The following SGIP1 variants were observed in gnomAD, a reference collection of about 807,000 sequenced individuals.
SGIP1 encodes SH3GL interacting endocytic adaptor 1, also known as SH3-containing GRB2-like protein 3-interacting protein 1.
Under a neutral mutation model 107.5 loss-of-function variants are expected in SGIP1, and 38 were observed. That is an observed-to-expected ratio of 0.35 (90% confidence interval 0.27 to 0.46). The LOEUF is 0.46. Ranked by LOEUF, SGIP1 falls within the 20% of genes least tolerant of loss-of-function variation. The pLI, the probability that SGIP1 is intolerant of heterozygous loss-of-function variation, is 1.00. For missense variants in SGIP1, 929 were observed against 1,019.5 expected, an observed-to-expected ratio of 0.91 and a Z score of 1.21; for synonymous variants, 365 against 366.1, an observed-to-expected ratio of 1.00 and a Z score of 0.03.
intron 1 of SGIP1, among the ~76,000 whole-genome samples, chr1:66,580,512 C>G (rs1413988345): frequency 6.6e-5 from 10 of 152,152 alleles, no homozygotes; most frequent in Admixed American, 6.6e-4. Context: ...ATTCGTAATA[C>G]TTCTCTCCAT....
At chr1:66,560,315 A>C (rs2058741747) in intron 1 of SGIP1, among the ~76,000 whole-genome samples, 1 of 152,080 alleles carries the variant, frequency 6.6e-6, no homozygotes, top group South Asian at 2.1e-4. Context: ...TAATTGAAAT[A>C]CTGTATGTTT....
In SGIP1 at chr1:66,749,867, A is replaced by ATT. The variant is rs548360145; in HGVS notation, c.*6778_*6779dup. On this transcript the variant is annotated 3_prime_UTR_variant, in exon 25 of 25. Coordinates refer to ENST00000371037, the MANE Select transcript of SGIP1 (RefSeq NM_032291.4). ...CCACTGTCCCAAGATCCAAAGTCAG[A>ATT]TTTTTTTCCCTTTTCAAGTTGCTAG... Among the ~76,000 whole-genome samples, 2 of 152,058 alleles carry ATT rather than the reference A, an allele frequency of 1.3e-5. No homozygotes were observed. The highest frequency in any genetic ancestry group is 4.1e-4 in the South Asian group (2 of 4,826).
At chr1:66,631,083 G>GAAAGAAAT (rs2074526804) in intron 2 of SGIP1, among the ~76,000 whole-genome samples, 1 of 138,472 alleles carries the variant, frequency 7.2e-6, no homozygotes, top group African/African-American at 2.6e-5. Flanking sequence ...AAGAAAGAAA[G>GAAAGAAAT]AAAGAAAGAA....
In SGIP1 at chr1:66,551,653, A is replaced by G. The variant is rs188576311; in HGVS notation, c.10+17285A>G. 6.0e-4 allele frequency among the ~76,000 whole-genome samples: 91 copies of G among 152,322 alleles called. No individual in the cohort carries two copies. The Middle Eastern group carries it at 0.02, about 34-fold the overall frequency. On this transcript the variant is annotated intron_variant, in intron 1 of 24. Coordinates refer to ENST00000371037, the MANE Select transcript of SGIP1 (RefSeq NM_032291.4). Reference sequence around the variant, plus strand: ...GCCAATCCTCTCCAAGTTTATTTATAGACCTGAAATTGAGTATTTATGCTG... The same window carrying G: ...GCCAATCCTCTCCAAGTTTATTTATGGACCTGAAATTGAGTATTTATGCTG...
intron 17 of SGIP1, among the ~76,000 whole-genome samples, chr1:66,692,579 A>C (rs1439596178): frequency 6.6e-6 from 1 of 152,172 alleles, no homozygotes; most frequent in Non-Finnish European, 1.5e-5. Context: ...GTTCAACACC[A>C]AAGGGCCTAA....
chr1:66,534,116 C>T (rs1193010380), upstream of SGIP1: 5 of 589,302 alleles, frequency 8.5e-6, no homozygotes, highest in African/African-American at 9.3e-5. Context: ...GGCGGTGCAG[C>T]TCGGCCAGCT....
At chr1:66,611,050 A>T (rs542171143) in intron 1 of SGIP1, among the ~76,000 whole-genome samples, 1 of 152,294 alleles carries the variant, frequency 6.6e-6, no homozygotes, top group African/African-American at 2.4e-5. Flanking sequence ...TACTCAGGTG[A>T]TGGATGCACC....
At chr1:66,564,784 G>A (rs74878744) in intron 1 of SGIP1, among the ~76,000 whole-genome samples, 21,714 of 151,868 alleles carry the variant, frequency 0.14, 1,954 homozygotes, top group East Asian at 0.32. Flanking sequence ...GGCTTTTAGG[G>A]TAGTTACTTC....
chr1:66,571,190 A>G (rs1403008941), intron 1 of SGIP1, among the ~76,000 whole-genome samples: 1 of 152,030 alleles, frequency 6.6e-6, no homozygotes, highest in Non-Finnish European at 1.5e-5. Flanking sequence ...AAATGAAACC[A>G]AAAAGGAAGC....
At position 66,750,264 on chromosome 1, in the gene SGIP1, G is replaced by A. The variant is rs2094607559; in HGVS notation, c.*7169G>A. Among the ~76,000 whole-genome samples the A allele has an allele frequency of 6.6e-6, 1 of 151,976 alleles. No homozygotes were observed. Among genetic ancestry groups the A allele is most frequent in the Non-Finnish European group, 1.5e-5 (1 of 67,994 alleles). Reference sequence around the variant, plus strand: ...TTTCGATTAAAAAGAGTTTTTGTTTGTTTTTCACTTGTATAGTAAAAGATC... The same window carrying A: ...TTTCGATTAAAAAGAGTTTTTGTTTATTTTTCACTTGTATAGTAAAAGATC... On this transcript the variant is annotated 3_prime_UTR_variant, in exon 25 of 25. Coordinates refer to ENST00000371037, the MANE Select transcript of SGIP1 (RefSeq NM_032291.4).
At position 66,748,825 on chromosome 1, in the gene SGIP1, C is replaced by T. The variant is rs1449595770; in HGVS notation, c.*5730C>T. ...ACAAATGGTCCTATACTATAATTCT[C>T]TCTCCTTGGACATTGACAATAAATG... On this transcript the variant is annotated 3_prime_UTR_variant, in exon 25 of 25. Transcript: ENST00000371037. 6.6e-6 allele frequency among the ~76,000 whole-genome samples: 1 copy of T among 151,900 alleles called. No individual in the cohort carries two copies. The highest frequency in any genetic ancestry group is 1.9e-4 in the East Asian group (1 of 5,200).
intron 1 of SGIP1, among the ~76,000 whole-genome samples, chr1:66,565,786 CTG>C (rs2059558815): frequency 6.6e-6 from 1 of 151,998 alleles, no homozygotes; most frequent in Admixed American, 6.6e-5. Context: ...GTGCTAGACT[CTG>C]TGTTGGCACT....
At chr1:66,659,772 C>T (rs2080520501) in intron 7 of SGIP1, among the ~76,000 whole-genome samples, 1 of 150,916 alleles carries the variant, frequency 6.6e-6, no homozygotes, top group African/African-American at 2.4e-5. Context: ...TAGCCAGAGA[C>T]TGTTGTACAT....
intron 2 of SGIP1, among the ~76,000 whole-genome samples, chr1:66,632,553 C>T (rs762266361): frequency 2.0e-4 from 31 of 152,248 alleles, no homozygotes; most frequent in African/African-American, 3.4e-4. Flanking sequence ...AGCAGAGGTT[C>T]GCTGGAGCCC....
intron 21 of SGIP1, 81 bp from the exon 22 acceptor site, chr1:66,739,254 T>A: frequency 6.8e-7 from 1 of 1,473,354 alleles, no homozygotes; most frequent in Non-Finnish European, 9.2e-7. Context: ...GTGAGCAGCA[T>A]AAACAACATA....
chr1:66,679,763 G>A lies in SGIP1; in HGVS notation c.814+11G>A, dbSNP rs564700541. The A allele has an allele frequency of 1.3e-6, 2 of 1,587,508 alleles. No homozygotes were observed. The highest frequency in any genetic ancestry group is 2.3e-5 in the East Asian group (1 of 42,780). ...TAACAATTGGACCAGGTACGCTTTT[G>A]TTTTTTCAGTTCTGGGATGATGTGT... On this transcript the variant is annotated intron_variant, in intron 14 of 24. Transcript: ENST00000371037.
chr1:66,623,665 A>T (rs536537889), intron 1 of SGIP1, among the ~76,000 whole-genome samples: 2 of 152,208 alleles, frequency 1.3e-5, no homozygotes, highest in Non-Finnish European at 1.5e-5. Flanking sequence ...TGTGTTAAAA[A>T]CATCATTTCC....
chr1:66,678,082 T>C (rs569305236), intron 13 of SGIP1, among the ~76,000 whole-genome samples: 1 of 152,334 alleles, frequency 6.6e-6, no homozygotes, highest in Admixed American at 6.5e-5. Flanking sequence ...AAAACATCAT[T>C]ATCAACAATT....
intron 14 of SGIP1, among the ~76,000 whole-genome samples, chr1:66,680,579 A>G (rs990811251): frequency 1.3e-5 from 2 of 152,238 alleles, no homozygotes; most frequent in African/African-American, 4.8e-5. Context: ...TGAAATTTAT[A>G]TTGACTCAAA....
Sources: gnomAD v4.1 joint callset for allele counts (sites outside exome capture counted in the v4.1 genomes callset) on GRCh38, gnomAD v4.1.1 for gene constraint, MANE v1.5 for transcripts, NCBI Gene and HGNC (gene_info 2026-07-23, HGNC 2026-07-21) for gene names.